Variants in CAPZB observed in about 807,000 individuals in gnomAD.
The protein encoded by CAPZB is F-actin-capping protein subunit beta.
A neutral mutation model predicts 38.1 loss-of-function variants in CAPZB; 2 were observed. The ratio of observed to expected loss-of-function variants is 0.05; its 90% confidence interval spans 0.02 to 0.17. The LOEUF (loss-of-function observed/expected upper bound fraction) is 0.17, where lower values mean the gene tolerates loss of function less well. Ranked by LOEUF, CAPZB falls within the 10% of genes least tolerant of loss-of-function variation. The pLI, the probability that CAPZB is intolerant of heterozygous loss-of-function variation, is 1.00. For synonymous variants in CAPZB, 107 were observed against 127.4 expected, an observed-to-expected ratio of 0.84 and a Z score of 1.08; for missense variants, 161 against 334.2, an observed-to-expected ratio of 0.48 and a Z score of 4.04.
intron 1 of CAPZB, among the ~76,000 whole-genome samples, chr1:19,452,372 C>T (rs970559200): frequency 6.6e-6 from 1 of 152,238 alleles, no homozygotes; most frequent in Non-Finnish European, 1.5e-5. Flanking sequence ...AAGGAAGAGG[C>T]TGTTCTTGGT....
intron 4 of CAPZB, among the ~76,000 whole-genome samples, chr1:19,365,418 G>A (rs1029688295): frequency 5.3e-5 from 8 of 152,174 alleles, no homozygotes; most frequent in Non-Finnish European, 7.3e-5. Context: ...GTTCCAGATC[G>A]CGTGGATTTC....
Position 19,345,259 on chromosome 1 carries a change from A to G in CAPZB, c.589-7T>C, listed in dbSNP as rs758913420. On this transcript the variant is annotated splice_region_variant and splice_polypyrimidine_tract_variant and intron_variant, in intron 6 of 8. Transcript: ENST00000264202. ...CAGTTTCATCCTTCTCCATCTGCAA[A>G]AGACAGAAACATTCCAAGTCAGAGA... The G allele has an allele frequency of 1.9e-6, 3 of 1,611,678 alleles. No homozygotes were observed. The highest frequency in any genetic ancestry group is 2.7e-5 in the African/African-American group (2 of 74,992).
intron 4 of CAPZB, among the ~76,000 whole-genome samples, chr1:19,371,866 G>A (rs2094121159): frequency 6.6e-6 from 1 of 152,234 alleles, no homozygotes; most frequent in African/African-American, 2.4e-5. Context: ...TGGACATCCT[G>A]CCCTTCCTGG....
rs1357861788 is a variant in CAPZB at position 19,339,129 on chromosome 1, T to C, written c.*401A>G. ...AAGATTTCCAGTTTTTCTTCTCTCT[T>C]TCACACACCACAGTTAGTTCATAAA... is the stretch of plus-strand genomic sequence containing the variant. On this transcript the variant is annotated 3_prime_UTR_variant, in exon 9 of 9. Transcript: ENST00000264202. The C allele has an allele frequency of 5.4e-6, 1 of 185,808 alleles. No homozygotes were observed. The highest frequency in any genetic ancestry group is 1.5e-4 in the East Asian group (1 of 6,548). The allele number at this position is 185,808 out of a possible 1,614,324, so 11.5% of individuals were successfully genotyped here. A position where few individuals can be genotyped will look rare whatever the true frequency, so the allele number is the denominator to read the frequency against.
intron 1 of CAPZB, among the ~76,000 whole-genome samples, chr1:19,442,183 A>C (rs1045419281): frequency 6.6e-6 from 1 of 152,098 alleles, no homozygotes; most frequent in African/African-American, 2.4e-5. Flanking sequence ...AAGGCTCACA[A>C]ATTTTTTAAC....
At chr1:19,369,524 GGCCCTGT>G (rs2094108935) in intron 4 of CAPZB, among the ~76,000 whole-genome samples, 1 of 152,242 alleles carries the variant, frequency 6.6e-6, no homozygotes, top group Non-Finnish European at 1.5e-5. Context: ...GGTTCTCAGA[GGCCCTGT>G]GCGCACATGG....
At chr1:19,473,252 C>G (rs2094595884) in intron 1 of CAPZB, among the ~76,000 whole-genome samples, 1 of 152,220 alleles carries the variant, frequency 6.6e-6, no homozygotes, top group South Asian at 2.1e-4. Flanking sequence ...GAAAGGCCAT[C>G]TCTGCCCCTT....
chr1:19,382,324 G>C (rs114640957), intron 3 of CAPZB, among the ~76,000 whole-genome samples: 1,565 of 152,236 alleles, frequency 0.01, 26 homozygotes, highest in African/African-American at 0.035. Flanking sequence ...ACACACTTAA[G>C]AGCTTAAATG....
chr1:19,476,165 T>C (rs781214938), intron 1 of CAPZB, among the ~76,000 whole-genome samples: 21 of 139,556 alleles, frequency 1.5e-4, no homozygotes, highest in Non-Finnish European at 3.0e-4. Context: ...CTCTAAAAAA[T>C]AAGTAGATAG....
At chr1:19,403,198 G>T (rs914412410) in intron 2 of CAPZB, among the ~76,000 whole-genome samples, 2 of 152,182 alleles carry the variant, frequency 1.3e-5, no homozygotes, top group African/African-American at 4.8e-5. Flanking sequence ...TGCATTCATG[G>T]GGGCTCAAGT....
intron 4 of CAPZB, among the ~76,000 whole-genome samples, chr1:19,366,628 T>C (rs1443284119): frequency 6.6e-6 from 1 of 151,948 alleles, no homozygotes; most frequent in Non-Finnish European, 1.5e-5. Flanking sequence ...GCAGAGGTTA[T>C]AGTGCCTTGA....
chr1:19,394,855 AG>A lies in CAPZB; in HGVS notation c.94-9230del, dbSNP rs1268394122. 2.6e-5 allele frequency among the ~76,000 whole-genome samples: 4 copies of A among 152,324 alleles called. No homozygotes were observed. In the East Asian group the frequency reaches 7.7e-4, roughly 29 times the overall value. On this transcript the variant is annotated intron_variant, in intron 2 of 8. Coordinates refer to ENST00000264202, the MANE Select transcript of CAPZB (RefSeq NM_004930.5). ...CTTAAGATTTTTTTGATTCTGCGAT[AG>A]TATTCAGTAGAAGCTGTAGTTTGAA...
intron 1 of CAPZB, among the ~76,000 whole-genome samples, chr1:19,464,127 T>C (rs1021281959): frequency 6.6e-5 from 10 of 150,862 alleles, no homozygotes; most frequent in Middle Eastern, 3.4e-3. Context: ...ACAGAGGTTG[T>C]AGTGAGCCAA....
intron 1 of CAPZB, among the ~76,000 whole-genome samples, chr1:19,452,511 C>G (rs900044324): frequency 6.6e-6 from 1 of 152,238 alleles, no homozygotes; most frequent in African/African-American, 2.4e-5. Flanking sequence ...GAGTTGTGGG[C>G]TGAGCTATCC....
intron 2 of CAPZB, among the ~76,000 whole-genome samples, chr1:19,394,495 C>T (rs1011139545): frequency 7.9e-5 from 12 of 152,240 alleles, no homozygotes; most frequent in African/African-American, 1.9e-4. Flanking sequence ...CTGAGGTGGG[C>T]GGATCACCTG....
intron 4 of CAPZB, among the ~76,000 whole-genome samples, chr1:19,362,599 G>A (rs1397536229): frequency 2.0e-5 from 3 of 152,130 alleles, no homozygotes; most frequent in Non-Finnish European, 4.4e-5. Context: ...GGGAGGCTGA[G>A]GTGGGAGGAC....
chr1:19,371,872 C>T (rs532482841), intron 4 of CAPZB, among the ~76,000 whole-genome samples: 24 of 152,248 alleles, frequency 1.6e-4, no homozygotes, highest in Non-Finnish European at 3.5e-4. Context: ...TCCTGCCCTT[C>T]CTGGGCCAAT....
chr1:19,404,643 C>G (rs371943349), intron 2 of CAPZB, among the ~76,000 whole-genome samples: 1 of 151,814 alleles, frequency 6.6e-6, no homozygotes, highest in East Asian at 1.9e-4. Context: ...TGGAAGAAGG[C>G]AGGACATTTC....
At chr1:19,456,794 T>A (rs1181690352) in intron 1 of CAPZB, among the ~76,000 whole-genome samples, 1 of 152,042 alleles carries the variant, frequency 6.6e-6, no homozygotes, top group Non-Finnish European at 1.5e-5. Context: ...AAAAACCCAA[T>A]AATGTTATAA....
Sources: gnomAD v4.1 joint callset for allele counts (sites outside exome capture counted in the v4.1 genomes callset) on GRCh38, gnomAD v4.1.1 for gene constraint, MANE v1.5 for transcripts, NCBI Gene and HGNC (gene_info 2026-07-23, HGNC 2026-07-21) for gene names.